ANKRD11: variants seen among roughly 807,000 people sequenced by gnomAD.
The protein encoded by ANKRD11 is ankyrin repeat domain-containing protein 11.
A neutral mutation model predicts 195.7 loss-of-function variants in ANKRD11; 17 were observed. That is an observed-to-expected ratio of 0.09 (90% CI 0.06 to 0.13). The LOEUF (loss-of-function observed/expected upper bound fraction) is 0.13, where lower values mean the gene tolerates loss of function less well. ANKRD11 is among the 10% of genes least tolerant of loss of function. The pLI, the probability that ANKRD11 is intolerant of heterozygous loss-of-function variation, is 1.00. For missense variants in ANKRD11, 3,735 were observed against 3,566.1 expected, an observed-to-expected ratio of 1.05 and a Z score of -1.21; for synonymous variants, 1,953 against 1,528.1, an observed-to-expected ratio of 1.28 and a Z score of -6.49.
intron 2 of ANKRD11, among the ~76,000 whole-genome samples, chr16:89,328,133 C>G (rs893986986): frequency 1.5e-5 from 2 of 131,006 alleles, no homozygotes; most frequent in Non-Finnish European, 3.3e-5. Context: ...TAGGGAAACA[C>G]AACTTAAAGC....
At chr16:89,327,099 G>A (rs62070812) in intron 2 of ANKRD11, among the ~76,000 whole-genome samples, 1,484 of 44,398 alleles carry the variant, frequency 0.033, 23 homozygotes, top group African/African-American at 0.11. Context: ...CAGAGGTGGG[G>A]AATGCAGAGG....
intron 1 of ANKRD11, among the ~76,000 whole-genome samples, chr16:89,457,030 G>A (rs943652534): frequency 3.4e-5 from 5 of 149,116 alleles, no homozygotes; most frequent in South Asian, 2.1e-4. Flanking sequence ...CGCAATCTCG[G>A]CTCACTGCAA....
chr16:89,441,029 A>G (rs886952917), intron 1 of ANKRD11, among the ~76,000 whole-genome samples: 8 of 152,224 alleles, frequency 5.3e-5, no homozygotes, highest in African/African-American at 1.7e-4. Context: ...TGAGGTCAGG[A>G]GATCGAGACC....
At position 89,354,819 on chromosome 16, in the gene ANKRD11, G is replaced by A. The variant is rs151158954; in HGVS notation, c.-59-37741C>T. On this transcript the variant is annotated intron_variant, in intron 2 of 12. Transcript: ENST00000301030. Reference sequence around the variant, plus strand: ...GAGAAATCGCTTGAACCCAGGAGGCGGAGGTTGCAGTGAGCCGAGATCACA... The same window carrying A: ...GAGAAATCGCTTGAACCCAGGAGGCAGAGGTTGCAGTGAGCCGAGATCACA... 2.3e-3 allele frequency among the ~76,000 whole-genome samples: 352 copies of A among 151,574 alleles called. 2 individuals are homozygous for A. The highest frequency in any genetic ancestry group is 3.9e-3 in the Non-Finnish European group (267 of 67,816).
rs796992061 is a variant in ANKRD11 at position 89,461,534 on chromosome 16, G to C, written c.-145+28711C>G. Among the ~76,000 whole-genome samples the C allele has an allele frequency of 2.0e-5, 3 of 152,172 alleles. No individual in the cohort carries two copies. In the East Asian group the frequency reaches 5.8e-4, roughly 29 times the overall value. ...CTTTTGTATTTTTTGTAGAAACAGG[G>C]TATCTTCATTTGCCCAGGCTGGTCT... On this transcript the variant is annotated intron_variant, in intron 1 of 12. Coordinates refer to ENST00000301030, the MANE Select transcript of ANKRD11 (RefSeq NM_013275.6).
At chr16:89,357,360 C>T (rs1190829385) in intron 2 of ANKRD11, among the ~76,000 whole-genome samples, 1 of 152,128 alleles carries the variant, frequency 6.6e-6, no homozygotes, top group African/African-American at 2.4e-5. Context: ...CAGCACCTCA[C>T]AGGGAACCAG....
At chr16:89,368,371 GTTTTTTTTTTTTT>G (rs71134210) in intron 2 of ANKRD11, among the ~76,000 whole-genome samples, 24 of 56,612 alleles carry the variant, frequency 4.2e-4, no homozygotes, top group Admixed American at 9.8e-4. Context: ...TAATTTTTGT[GTTTTTTTTTTTTT>G]TTTTTTTTTT....
chr16:89,476,935 G>A (rs563645145), intron 1 of ANKRD11, among the ~76,000 whole-genome samples: 5 of 152,236 alleles, frequency 3.3e-5, no homozygotes, highest in African/African-American at 1.2e-4. Context: ...GGCACAGACT[G>A]GAACACATGA....
intron 1 of ANKRD11, among the ~76,000 whole-genome samples, chr16:89,440,038 A>G (rs533602977): frequency 1.3e-5 from 2 of 152,314 alleles, no homozygotes; most frequent in South Asian, 4.1e-4. Flanking sequence ...GGAAGCTGAC[A>G]AAGAATCAGA....
intron 2 of ANKRD11, among the ~76,000 whole-genome samples, chr16:89,413,561 C>T (rs1342420954): frequency 6.6e-6 from 1 of 152,096 alleles, no homozygotes. Context: ...GGAGGCGGAG[C>T]TTGCAGTGAG....
chr16:89,438,193 A>G (rs2043295918), intron 1 of ANKRD11, among the ~76,000 whole-genome samples: 1 of 152,242 alleles, frequency 6.6e-6, no homozygotes. Flanking sequence ...GACTAGGAAC[A>G]GCTGGCTTCT....
At chr16:89,316,252 A>G (rs1221282524) in intron 3 of ANKRD11, among the ~76,000 whole-genome samples, 2 of 152,178 alleles carry the variant, frequency 1.3e-5, no homozygotes, top group African/African-American at 4.8e-5. Flanking sequence ...GGTCACAAAG[A>G]TAACACATGG....
At chr16:89,344,260 G>C (rs759270981) in intron 2 of ANKRD11, among the ~76,000 whole-genome samples, 8 of 152,120 alleles carry the variant, frequency 5.3e-5, no homozygotes, top group African/African-American at 7.2e-5. Context: ...ACTTTCATAC[G>C]TTATTTTATT....
chr16:89,407,543 G>A (rs771223201), intron 2 of ANKRD11, among the ~76,000 whole-genome samples: 4 of 152,246 alleles, frequency 2.6e-5, no homozygotes, highest in East Asian at 1.9e-4. Flanking sequence ...CTTCTGGGCC[G>A]CGCAACATGG....
At chr16:89,459,534 T>C (rs1567834969) in intron 1 of ANKRD11, 1 of 152,238 alleles carries the variant, frequency 6.6e-6, no homozygotes, top group Non-Finnish European at 1.5e-5. Flanking sequence ...AGTGAATTTG[T>C]GGACCAAATT....
At chr16:89,413,718 C>A (rs944259137) in intron 2 of ANKRD11, among the ~76,000 whole-genome samples, 1 of 152,198 alleles carries the variant, frequency 6.6e-6, no homozygotes, top group Non-Finnish European at 1.5e-5. Context: ...TGTCAGCAGC[C>A]GCCAGGAACC....
intron 1 of ANKRD11, among the ~76,000 whole-genome samples, chr16:89,468,208 A>ATT (rs1211443474): frequency 6.6e-6 from 1 of 152,228 alleles, no homozygotes; most frequent in East Asian, 1.9e-4. Flanking sequence ...AATCTAAACA[A>ATT]TTATTTGGAT....
rs1025761111 is a variant in ANKRD11, at chr16:89,280,626, G to A, written c.5916C>T (p.Ser1972=). ...GCAGGAGGTCCGAGCCCACAGGCCA[G>A]CTCACAGGGTTTTCAGAGGTGCCCC... ...LIGGTSENPV[S]WPVGSDLLLK... is the part of the protein sequence containing the mutation. The change falls in exon 9 of 13, where the codon AGC becomes AGT. Residue 1972 remains serine, a synonymous_variant. Coordinates refer to ENST00000301030, the MANE Select transcript of ANKRD11 (RefSeq NM_013275.6). 2.4e-5 allele frequency: 38 copies of A among 1,613,378 alleles called. No individual in the cohort carries two copies. In the Admixed American group the frequency reaches 5.8e-4, roughly 25 times the overall value.
At chr16:89,371,579 C>A (rs1406007844) in intron 2 of ANKRD11, among the ~76,000 whole-genome samples, 1 of 152,184 alleles carries the variant, frequency 6.6e-6, no homozygotes, top group East Asian at 1.9e-4. Context: ...AAGGTCCAGG[C>A]AGGCGCCGCT....
Sources: allele counts gnomAD v4.1 joint callset (sites outside exome capture counted in the v4.1 genomes callset), GRCh38; gene constraint gnomAD v4.1.1; transcripts MANE v1.5; gene names NCBI Gene and HGNC (gene_info 2026-07-23, HGNC 2026-07-21).